PTPRD: variants seen among roughly 807,000 people sequenced by gnomAD.
PTPRD encodes the protein protein tyrosine phosphatase receptor type D.
In PTPRD, 34 loss-of-function variants were observed where a neutral mutation model predicts 214.5. The observed-to-expected ratio is 0.16, with a 90% confidence interval of 0.12 to 0.21. The LOEUF (loss-of-function observed/expected upper bound fraction) is 0.21. Among genes scored for constraint, PTPRD ranks in the 10% least tolerant of loss-of-function variants. The pLI, the probability that PTPRD is intolerant of heterozygous loss-of-function variation, is 1.00. For synonymous variants in PTPRD, 1,128 were observed against 845.7 expected (o/e 1.33, Z -5.79); for missense variants, 2,545 against 2,398.7 (o/e 1.06, Z -1.27).
intron 33 of PTPRD, among the ~76,000 whole-genome samples, chr9:8,453,385 C>T (rs1205553521): frequency 2.0e-5 from 3 of 151,950 alleles, no homozygotes; most frequent in Admixed American, 6.6e-5. Context: ...AGGATGGTCT[C>T]GATCTCCTGA....
chr9:10,492,318 T>C (rs2040563985), intron 2 of PTPRD, among the ~76,000 whole-genome samples: 1 of 151,812 alleles, frequency 6.6e-6, no homozygotes, highest in Admixed American at 6.6e-5. Context: ...ACTAATTTAC[T>C]CCCCCCACCA....
At chr9:8,574,279 C>G (rs1450677682) in intron 14 of PTPRD, among the ~76,000 whole-genome samples, 1 of 151,978 alleles carries the variant, frequency 6.6e-6, no homozygotes, top group African/African-American at 2.4e-5. Context: ...AATGAACACT[C>G]TTTGGCACTG....
intron 14 of PTPRD, among the ~76,000 whole-genome samples, chr9:8,557,778 A>T (rs2084522404): frequency 7.6e-6 from 1 of 132,050 alleles, no homozygotes; most frequent in Admixed American, 7.5e-5. Flanking sequence ...GAAAAACAAA[A>T]TACACACACA....
chr9:8,413,658 A>C (rs1015877533), intron 35 of PTPRD, among the ~76,000 whole-genome samples: 1 of 152,178 alleles, frequency 6.6e-6, no homozygotes, highest in African/African-American at 2.4e-5. Flanking sequence ...TAATCAAAGA[A>C]GTCACACAGG....
intron 4 of PTPRD, among the ~76,000 whole-genome samples, chr9:10,001,190 C>T (rs2096302725): frequency 6.6e-6 from 1 of 152,010 alleles, no homozygotes; most frequent in Non-Finnish European, 1.5e-5. Flanking sequence ...CCTCCAGTCA[C>T]CGGATCTGTA....
chr9:10,518,802 G>A (rs1463734669), intron 2 of PTPRD, among the ~76,000 whole-genome samples: 2 of 151,486 alleles, frequency 1.3e-5, no homozygotes, highest in African/African-American at 2.4e-5. Flanking sequence ...AAAGTGCTGG[G>A]ATTACAGGCG....
Position 9,834,937 on chromosome 9 carries a change from T to G in PTPRD, c.-367-68086A>C, listed in dbSNP as rs571231205. ...ATATTAACCTAACAGGTACTTTTGT[T>G]TTTTTTTTGTTCCATCCCAGATAAG... is the stretch of plus-strand genomic sequence containing the variant. On this transcript the variant is annotated intron_variant, in intron 5 of 45. Coordinates refer to ENST00000381196, the MANE Select transcript of PTPRD (RefSeq NM_002839.4). Among the ~76,000 whole-genome samples the G allele has an allele frequency of 4.6e-5, 7 of 151,306 alleles. No individual in the cohort carries two copies. In the East Asian group the frequency reaches 7.8e-4, roughly 17 times the overall value.
chr9:9,740,374 T>G (rs1396445472), intron 6 of PTPRD, among the ~76,000 whole-genome samples: 1 of 151,742 alleles, frequency 6.6e-6, no homozygotes, highest in African/African-American at 2.4e-5. Context: ...TTTTTTTTTT[T>G]GGAGATGGAG....
chr9:9,288,229 C>T (rs371192949), intron 9 of PTPRD, among the ~76,000 whole-genome samples: 30 of 151,680 alleles, frequency 2.0e-4, no homozygotes, highest in Middle Eastern at 3.4e-3. Flanking sequence ...ATTTTGTTGT[C>T]GGAGGTGATT....
intron 12 of PTPRD, chr9:8,713,278 T>A (rs1412741126): frequency 2.9e-6 from 2 of 679,920 alleles, no homozygotes; most frequent in African/African-American, 3.6e-5. Flanking sequence ...CCACTGAGCT[T>A]TTGCGGGTGG....
At chr9:8,506,458 A>G (rs961419111) in intron 22 of PTPRD, among the ~76,000 whole-genome samples, 5 of 152,194 alleles carry the variant, frequency 3.3e-5, no homozygotes, top group Non-Finnish European at 7.3e-5. Context: ...TTCAAACTGC[A>G]CTCAAGAAGC....
At chr9:9,210,470 C>T (rs965567909) in intron 9 of PTPRD, among the ~76,000 whole-genome samples, 1 of 152,100 alleles carries the variant, frequency 6.6e-6, no homozygotes, top group Non-Finnish European at 1.5e-5. Context: ...TTAATGCCTA[C>T]TCCTTTGTTT....
At chr9:8,725,223 C>T (rs779577293) in intron 12 of PTPRD, among the ~76,000 whole-genome samples, 5 of 152,138 alleles carry the variant, frequency 3.3e-5, no homozygotes, top group African/African-American at 9.7e-5. Context: ...ACAGATGAGC[C>T]ACTTGGCTGC....
chr9:8,746,020 T>C (rs945696592), intron 11 of PTPRD, among the ~76,000 whole-genome samples: 3 of 152,210 alleles, frequency 2.0e-5, no homozygotes, highest in African/African-American at 7.2e-5. Flanking sequence ...CTTGAACTCC[T>C]GGACTCAAAA....
intron 11 of PTPRD, among the ~76,000 whole-genome samples, chr9:8,741,170 G>GA (rs1306849244): frequency 6.6e-6 from 1 of 151,140 alleles, no homozygotes; most frequent in Non-Finnish European, 1.5e-5. Flanking sequence ...CCTTTGGGAA[G>GA]AAAAAAATGA....
chr9:10,031,435 G>A (rs1031533358), intron 4 of PTPRD, among the ~76,000 whole-genome samples: 1 of 151,336 alleles, frequency 6.6e-6, no homozygotes, highest in Non-Finnish European at 1.5e-5. Context: ...GCAGAAAAAT[G>A]TGAAAAGGCG....
chr9:9,766,160 C>G (rs1040795929), intron 6 of PTPRD, among the ~76,000 whole-genome samples: 1 of 152,166 alleles, frequency 6.6e-6, no homozygotes, highest in Non-Finnish European at 1.5e-5. Flanking sequence ...TCATCTTATA[C>G]ATTTTCTTTT....
chr9:8,886,897 A>G (rs1212615758), intron 11 of PTPRD, among the ~76,000 whole-genome samples: 1 of 152,242 alleles, frequency 6.6e-6, no homozygotes, highest in African/African-American at 2.4e-5. Flanking sequence ...CTGCATTTCT[A>G]TTTTGTTCGG....
intron 9 of PTPRD, among the ~76,000 whole-genome samples, chr9:9,335,346 C>A (rs1263459907): frequency 6.6e-6 from 1 of 151,988 alleles, no homozygotes; most frequent in African/African-American, 2.4e-5. Context: ...TATGAGAACA[C>A]TAGATTTAGA....
Sources: gnomAD v4.1 joint callset for allele counts (sites outside exome capture counted in the v4.1 genomes callset) on GRCh38, gnomAD v4.1.1 for gene constraint, MANE v1.5 for transcripts, NCBI Gene and HGNC (gene_info 2026-07-23, HGNC 2026-07-21) for gene names.